KIF6: variants seen among roughly 807,000 people sequenced by gnomAD.
KIF6 encodes the protein kinesin-like protein KIF6.
Under a neutral mutation model 112.7 loss-of-function variants are expected in KIF6, and 106 were observed. The ratio of observed to expected loss-of-function variants is 0.94; its 90% CI spans 0.80 to 1.11. KIF6 has a LOEUF of 1.11. KIF6 is among the 50% of genes least tolerant of loss of function. The pLI, the probability that KIF6 is intolerant of heterozygous loss-of-function variation, is 0.00. For synonymous variants in KIF6, 339 were observed against 339.9 expected, an observed-to-expected ratio of 1.00 and a Z score of 0.03; for missense variants, 929 against 964.0, an observed-to-expected ratio of 0.96 and a Z score of 0.48.
At chr6:39,424,981 ATCCCATCCTG>A (rs1158095545) in intron 14 of KIF6, among the ~76,000 whole-genome samples, 1 of 152,114 alleles carries the variant, frequency 6.6e-6, no homozygotes, top group Non-Finnish European at 1.5e-5. Flanking sequence ...TCCAGAAAGA[ATCCCATCCTG>A]CTGTGGGGTG....
Position 39,343,708 on chromosome 6 carries a change from C to T in KIF6, c.2428+1G>A. 6.2e-7 allele frequency: 1 copy of T among 1,603,160 alleles called. No homozygotes were observed. The highest frequency in any genetic ancestry group is 8.5e-7 in the Non-Finnish European group (1 of 1,174,734). On this transcript the variant is annotated splice_donor_variant, in intron 22 of 22. Transcript: ENST00000287152. LOFTEE classifies it high-confidence loss of function. The surrounding 1 kb of genome is among the most constrained non-coding windows in gnomAD (Gnocchi z 4.1). The stretch of plus-strand genomic sequence containing the variant: ...GGAGCCACCGAGGGAGGTGCACTTA[C>T]ATTGCTTCTGCAGAATGCTCTGTCT...
intron 13 of KIF6, among the ~76,000 whole-genome samples, chr6:39,509,542 T>C (rs952784859): frequency 3.9e-5 from 6 of 152,172 alleles, no homozygotes; most frequent in Admixed American, 1.3e-4. Flanking sequence ...TTAAATGACC[T>C]GATGGAGCTG....
chr6:39,646,389 A>G (rs1311373859), intron 3 of KIF6, among the ~76,000 whole-genome samples: 1 of 152,078 alleles, frequency 6.6e-6, no homozygotes, highest in African/African-American at 2.4e-5. Context: ...TTCTAACTAC[A>G]TTTTGTCCAC....
intron 10 of KIF6, among the ~76,000 whole-genome samples, chr6:39,547,112 A>G (rs112133786): frequency 0.032 from 4,843 of 152,276 alleles, 119 homozygotes; most frequent in Middle Eastern, 0.075. Flanking sequence ...ATATCTTTCT[A>G]GTACTATTAT....
At chr6:39,534,535 A>G (rs902557025) in intron 13 of KIF6, among the ~76,000 whole-genome samples, 5 of 152,228 alleles carry the variant, frequency 3.3e-5, no homozygotes, top group Non-Finnish European at 7.3e-5. Context: ...AGAAATGATC[A>G]AAGCCTCCAA....
intron 5 of KIF6, among the ~76,000 whole-genome samples, chr6:39,616,751 GC>G (rs747580507): frequency 7.9e-5 from 12 of 152,192 alleles, no homozygotes; most frequent in Non-Finnish European, 1.5e-4. Flanking sequence ...GCTCATAGAA[GC>G]CCAGCCTGAG....
At chr6:39,499,972 T>C (rs1776026339) in intron 13 of KIF6, among the ~76,000 whole-genome samples, 1 of 152,186 alleles carries the variant, frequency 6.6e-6, no homozygotes, top group African/African-American at 2.4e-5. Flanking sequence ...TGGGGAGTTG[T>C]AGCTGGTGAG....
In KIF6 at chr6:39,583,674, C is replaced by CTTTTTTTTTTTTTTT. The variant is rs564229262; in HGVS notation, c.1077+1209_1077+1223dup. ...AAACACTGTTGGTAGGATTTCACTT[C>CTTTTTTTTTTTTTTT]TTTTTTTTTTTTTTTTTTTTTTTTT... On this transcript the variant is annotated intron_variant, in intron 9 of 22. Transcript: ENST00000287152. Among the ~76,000 whole-genome samples, 7 of 71,708 alleles carry CTTTTTTTTTTTTTTT rather than the reference C, an allele frequency of 9.8e-5. 1 individual carries two copies. Among genetic ancestry groups the CTTTTTTTTTTTTTTT allele is most frequent in the Admixed American group, 1.5e-4 (1 of 6,452 alleles). The allele number at this position is 71,708 out of a possible 152,430, so 47.0% of individuals were successfully genotyped here. A position where few individuals can be genotyped will look rare whatever the true frequency, so the allele number is the denominator to read the frequency against.
chr6:39,363,279 G>A (rs1320332328), intron 16 of KIF6, among the ~76,000 whole-genome samples: 4 of 152,220 alleles, frequency 2.6e-5, no homozygotes, highest in African/African-American at 9.7e-5. Flanking sequence ...TCAGAATCGT[G>A]TCTCCTGTTT....
intron 6 of KIF6, among the ~76,000 whole-genome samples, chr6:39,601,201 T>C (rs942179233): frequency 6.6e-6 from 1 of 152,222 alleles, no homozygotes; most frequent in East Asian, 1.9e-4. Flanking sequence ...TCCCTCCCTC[T>C]GTGTCCCATG....
intron 13 of KIF6, among the ~76,000 whole-genome samples, chr6:39,520,161 T>C (rs1020006712): frequency 6.6e-6 from 1 of 152,160 alleles, no homozygotes; most frequent in Admixed American, 6.5e-5. Context: ...CCCTTTACCA[T>C]GGCAACATCA....
intron 5 of KIF6, among the ~76,000 whole-genome samples, chr6:39,629,203 C>T (rs1784239342): frequency 6.6e-6 from 1 of 152,062 alleles, no homozygotes; most frequent in South Asian, 2.1e-4. Context: ...AGCGCAGTTG[C>T]TGGATCATAT....
intron 16 of KIF6, among the ~76,000 whole-genome samples, chr6:39,374,133 G>A (rs147490544): frequency 6.6e-4 from 101 of 152,270 alleles, no homozygotes; most frequent in East Asian, 4.4e-3. Flanking sequence ...GGAAACAACA[G>A]TTTCTTCAAT....
At chr6:39,373,001 C>T (rs1039336266) in intron 16 of KIF6, among the ~76,000 whole-genome samples, 2 of 152,292 alleles carry the variant, frequency 1.3e-5, no homozygotes, top group South Asian at 2.1e-4. Flanking sequence ...AACACCGAGG[C>T]CTTTCTTGGT....
At chr6:39,685,897 T>G (rs1396949156) in intron 3 of KIF6, among the ~76,000 whole-genome samples, 3 of 152,238 alleles carry the variant, frequency 2.0e-5, no homozygotes, top group Non-Finnish European at 4.4e-5. Context: ...CTTTATTTAC[T>G]TTTCCTTTGT....
chr6:39,362,633 G>A, intron 16 of KIF6, 115 bp from the exon 17 acceptor site: 4 of 795,814 alleles, frequency 5.0e-6, no homozygotes, highest in South Asian at 4.4e-5. Context: ...GCCTCTGTGA[G>A]TTCCTTCTGG....
At chr6:39,358,419 G>T (rs1187196282) in intron 18 of KIF6, among the ~76,000 whole-genome samples, 4 of 152,212 alleles carry the variant, frequency 2.6e-5, no homozygotes, top group Admixed American at 2.6e-4. Context: ...CCCCCTTGCT[G>T]TCATCTGGTC....
intron 4 of KIF6, among the ~76,000 whole-genome samples, chr6:39,637,246 T>C (rs1784667608): frequency 1.3e-5 from 2 of 151,986 alleles, no homozygotes; most frequent in South Asian, 2.1e-4. Context: ...CCTGAGGTGA[T>C]AGGGATAATG....
intron 10 of KIF6, among the ~76,000 whole-genome samples, chr6:39,546,756 G>T (rs1779086957): frequency 6.6e-6 from 1 of 151,262 alleles, no homozygotes; most frequent in Admixed American, 6.6e-5. Flanking sequence ...AACCCAGGAG[G>T]CAGAGGTTGC....
Sources: gnomAD v4.1 joint callset for allele counts (sites outside exome capture counted in the v4.1 genomes callset) on GRCh38, gnomAD v4.1.1 for gene constraint, Gnocchi (gnomAD v3.1) non-coding constraint, MANE v1.5 for transcripts, NCBI Gene and HGNC (gene_info 2026-07-23, HGNC 2026-07-21) for gene names.